ERBB4: variants seen among roughly 807,000 people sequenced by gnomAD.
The protein encoded by ERBB4 is erb-b2 receptor tyrosine kinase 4, also known as receptor tyrosine-protein kinase erbB-4.
ERBB4 carries 42 observed loss-of-function variants against 158.0 expected under a neutral mutation model. The observed-to-expected ratio is 0.27, with a 90% CI of 0.21 to 0.34. ERBB4 has a LOEUF of 0.34. Ranked by LOEUF, ERBB4 falls within the 10% of genes least tolerant of loss-of-function variation. The pLI is 1.00. For synonymous variants in ERBB4, 583 were observed against 558.7 expected (o/e 1.04, Z -0.61); for missense variants, 1,333 against 1,624.1 (o/e 0.82, Z 3.08).
chr2:212,108,082 A>G (rs1290658813), intron 2 of ERBB4, among the ~76,000 whole-genome samples: 2 of 152,218 alleles, frequency 1.3e-5, no homozygotes, highest in African/African-American at 2.4e-5. Context: ...ACCAGATTAT[A>G]CTATTAAAGA....
At chr2:211,817,037 C>G (rs1356519086) in intron 3 of ERBB4, among the ~76,000 whole-genome samples, 2 of 152,192 alleles carry the variant, frequency 1.3e-5, no homozygotes, top group Non-Finnish European at 2.9e-5. Context: ...TACATTCAGC[C>G]TGCCTGGATA....
At chr2:212,075,571 A>G (rs914268561) in intron 2 of ERBB4, among the ~76,000 whole-genome samples, 4 of 151,958 alleles carry the variant, frequency 2.6e-5, no homozygotes, top group African/African-American at 7.2e-5. Flanking sequence ...AAATTATCAA[A>G]GAAATCTTAC....
chr2:212,114,676 C>T (rs191517745), intron 2 of ERBB4, among the ~76,000 whole-genome samples: 40 of 152,198 alleles, frequency 2.6e-4, no homozygotes, highest in African/African-American at 7.2e-4. Flanking sequence ...ATTGCTTCTG[C>T]GAAATGATGT....
intron 20 of ERBB4, among the ~76,000 whole-genome samples, chr2:211,515,912 A>ATATATATATATATATATATATATATATTT (rs35696520): frequency 2.5e-5 from 2 of 78,976 alleles, no homozygotes; most frequent in African/African-American, 1.1e-4. Context: ...ATATATATAT[A>ATATATATATATATATATATATATATATTT]TTTTTTTTTT....
At chr2:211,587,436 T>C (rs907729780) in intron 19 of ERBB4, among the ~76,000 whole-genome samples, 1 of 152,042 alleles carries the variant, frequency 6.6e-6, no homozygotes, top group Non-Finnish European at 1.5e-5. Context: ...AGGATGGCCA[T>C]GTGAAGACAC....
chr2:211,691,130 T>A (rs1019954983), intron 12 of ERBB4, among the ~76,000 whole-genome samples: 9 of 152,240 alleles, frequency 5.9e-5, no homozygotes, highest in African/African-American at 1.7e-4. Context: ...ATCTTTTTTT[T>A]AAAAGCTGAG....
intron 4 of ERBB4, among the ~76,000 whole-genome samples, chr2:211,771,285 T>C (rs2075685547): frequency 1.3e-5 from 2 of 151,504 alleles, no homozygotes; most frequent in African/African-American, 4.9e-5. Context: ...ACAACATCTC[T>C]GCTGGTCACC....
intron 1 of ERBB4, among the ~76,000 whole-genome samples, chr2:212,254,985 C>T (rs1372455623): frequency 1.3e-5 from 2 of 152,178 alleles, no homozygotes; most frequent in African/African-American, 2.4e-5. Flanking sequence ...TTCTACATTA[C>T]ATTATTTCAC....
At chr2:211,400,931 A>G (rs1268769229) in intron 25 of ERBB4, among the ~76,000 whole-genome samples, 1 of 152,118 alleles carries the variant, frequency 6.6e-6, no homozygotes, top group Non-Finnish European at 1.5e-5. Flanking sequence ...AAAATTAAAT[A>G]TTTAAAAATT....
intron 1 of ERBB4, among the ~76,000 whole-genome samples, chr2:212,360,939 A>G (rs2089664829): frequency 1.3e-5 from 2 of 151,740 alleles, no homozygotes; most frequent in Non-Finnish European, 3.0e-5. Context: ...ATACAGTCCC[A>G]TCTTCTTAAC....
At chr2:212,489,134 G>A (rs1690133536) in intron 1 of ERBB4, among the ~76,000 whole-genome samples, 1 of 151,726 alleles carries the variant, frequency 6.6e-6, no homozygotes, top group South Asian at 2.1e-4. Context: ...AGAAATAATA[G>A]TTAAGTATAA....
chr2:212,279,967 A>G (rs2085690974), intron 1 of ERBB4, among the ~76,000 whole-genome samples: 1 of 151,656 alleles, frequency 6.6e-6, no homozygotes, highest in African/African-American at 2.4e-5. Context: ...AACAAAACTC[A>G]TTCATTTCAA....
At chr2:212,095,044 T>A (rs935652999) in intron 2 of ERBB4, among the ~76,000 whole-genome samples, 14 of 152,156 alleles carry the variant, frequency 9.2e-5, no homozygotes, top group African/African-American at 3.1e-4. Flanking sequence ...AAAAGTAATA[T>A]TCTTGGGGAA....
chr2:212,404,781 T>C (rs2091300130), intron 1 of ERBB4, among the ~76,000 whole-genome samples: 1 of 152,004 alleles, frequency 6.6e-6, no homozygotes, highest in Admixed American at 6.6e-5. Flanking sequence ...AGTTATCTTT[T>C]CTACTCCTCT....
chr2:212,164,840 T>G (rs1483017430), intron 1 of ERBB4, among the ~76,000 whole-genome samples: 2 of 152,102 alleles, frequency 1.3e-5, no homozygotes, highest in Non-Finnish European at 2.9e-5. Flanking sequence ...TTGATCATTT[T>G]GAATAAAGAA....
chr2:211,963,455 A>C (rs1266940604), intron 2 of ERBB4, among the ~76,000 whole-genome samples: 1 of 152,166 alleles, frequency 6.6e-6, no homozygotes, highest in Non-Finnish European at 1.5e-5. Flanking sequence ...CCATCAATAC[A>C]ATCCATAAAA....
chr2:211,719,327 G>A (rs1299637703), intron 7 of ERBB4, among the ~76,000 whole-genome samples: 1 of 152,132 alleles, frequency 6.6e-6, no homozygotes, highest in Admixed American at 6.5e-5. Flanking sequence ...CCAGTTTACT[G>A]ATGGACTCTG....
chr2:212,257,422 T>A (rs2084779369), intron 1 of ERBB4, among the ~76,000 whole-genome samples: 1 of 152,180 alleles, frequency 6.6e-6, no homozygotes, highest in African/African-American at 2.4e-5. Flanking sequence ...GAATCATTAA[T>A]AATCAGCAAA....
chr2:211,587,956 C>A (rs1574814486), intron 19 of ERBB4, among the ~76,000 whole-genome samples: 1 of 152,038 alleles, frequency 6.6e-6, no homozygotes, highest in African/African-American at 2.4e-5. Flanking sequence ...AGAAAACACC[C>A]AAAGTTCTAG....
Sources: gnomAD v4.1 joint callset for allele counts (sites outside exome capture counted in the v4.1 genomes callset) on GRCh38, gnomAD v4.1.1 for gene constraint, MANE v1.5 for transcripts, NCBI Gene and HGNC (gene_info 2026-07-23, HGNC 2026-07-21) for gene names.